The following CPSF3 variants were observed in gnomAD, a reference collection of about 807,000 sequenced individuals.
The protein encoded by CPSF3 is cleavage and polyadenylation specific factor 3.
Under a neutral mutation model 84.1 loss-of-function variants are expected in CPSF3, and 57 were observed. That is an observed-to-expected ratio of 0.68 (90% CI 0.55 to 0.85). The LOEUF is 0.85. Ranked by LOEUF, CPSF3 falls within the 40% of genes least tolerant of loss-of-function variation. The pLI, the probability that CPSF3 is intolerant of heterozygous loss-of-function variation, is 0.00. For synonymous variants in CPSF3, 275 were observed against 278.1 expected, an observed-to-expected ratio of 0.99 and a Z score of 0.11; for missense variants, 522 against 838.8, an observed-to-expected ratio of 0.62 and a Z score of 4.66.
chr2:9,458,278 C>T lies in CPSF3; in HGVS notation c.1698+1251C>T, dbSNP rs373141044. On this transcript the variant is annotated intron_variant, in intron 14 of 17. Coordinates refer to ENST00000238112, the MANE Select transcript of CPSF3 (RefSeq NM_016207.4). ...AATTAGCCAGACGTGGTGGCAGGCACCTAAAATCCCAACTACTTGGAAGGC... is the reference window on the plus strand; with the variant it reads ...AATTAGCCAGACGTGGTGGCAGGCATCTAAAATCCCAACTACTTGGAAGGC... Among the ~76,000 whole-genome samples, 85 of 152,100 alleles carry T rather than the reference C, an allele frequency of 5.6e-4. No homozygotes were observed. In the East Asian group the frequency reaches 0.013, roughly 24 times the overall value.
At chr2:9,427,278 G>C (rs1413733337) in intron 1 of CPSF3, among the ~76,000 whole-genome samples, 2 of 152,196 alleles carry the variant, frequency 1.3e-5, no homozygotes, top group African/African-American at 4.8e-5. Flanking sequence ...ATGTGGGCAG[G>C]TTGGTACCCT....
intron 12 of CPSF3, among the ~76,000 whole-genome samples, chr2:9,454,493 ACTGT>A (rs1215337696): frequency 6.7e-6 from 1 of 149,980 alleles, no homozygotes; most frequent in Non-Finnish European, 1.5e-5. Flanking sequence ...ATCATAGGTC[ACTGT>A]CTGACTTGTG....
chr2:9,465,701 C>T (rs750060967), intron 15 of CPSF3, among the ~76,000 whole-genome samples: 1 of 152,088 alleles, frequency 6.6e-6, no homozygotes, highest in African/African-American at 2.4e-5. Flanking sequence ...CTCTTAAGGC[C>T]CCCCATCCTT....
Position 9,423,682 on chromosome 2 carries a change from C to G in CPSF3, c.-92C>G. The G allele has an allele frequency of 6.6e-7, 1 of 1,510,892 alleles. No homozygotes were observed. Among genetic ancestry groups the G allele is most frequent in the African/African-American group, 1.4e-5 (1 of 72,254 alleles). The allele number at this position is 1,510,892 out of a possible 1,614,324, so 93.6% of individuals were successfully genotyped here. A position where few individuals can be genotyped will look rare whatever the true frequency, so the allele number is the denominator to read the frequency against. On this transcript the variant is annotated 5_prime_UTR_variant, in exon 1 of 18. Coordinates refer to ENST00000238112, the MANE Select transcript of CPSF3 (RefSeq NM_016207.4). Reference sequence around the variant, plus strand: ...AGTTGTGCTCTTGGTGAATGGGGTTCTTCCTTTTTTATTTACCGGTGGCTG... The same window carrying G: ...AGTTGTGCTCTTGGTGAATGGGGTTGTTCCTTTTTTATTTACCGGTGGCTG...
chr2:9,438,050 G>A (rs975903540), intron 7 of CPSF3, among the ~76,000 whole-genome samples: 1 of 152,264 alleles, frequency 6.6e-6, no homozygotes, highest in Non-Finnish European at 1.5e-5. Context: ...TGTCACCTCT[G>A]TGCGAAGCAC....
At chr2:9,454,306 G>A (rs1681436620) in intron 12 of CPSF3, among the ~76,000 whole-genome samples, 1 of 152,056 alleles carries the variant, frequency 6.6e-6, no homozygotes, top group South Asian at 2.1e-4. Context: ...TACTTGGGAG[G>A]CTGTGGCAAG....
intron 11 of CPSF3, among the ~76,000 whole-genome samples, chr2:9,451,593 A>G (rs1681329943): frequency 6.6e-6 from 1 of 152,116 alleles, no homozygotes; most frequent in Non-Finnish European, 1.5e-5. Flanking sequence ...GTGAAACTCC[A>G]TCTCTACAAA....
chr2:9,456,651 A>C (rs1046046760), intron 13 of CPSF3, among the ~76,000 whole-genome samples: 1 of 152,248 alleles, frequency 6.6e-6, no homozygotes, highest in African/African-American at 2.4e-5. Context: ...GTGGAAGGCT[A>C]AATCTCTTGT....
At position 9,443,442 on chromosome 2, in the gene CPSF3, GA is replaced by G. The variant is rs889775028; in HGVS notation, c.1096-66del. 4.9e-5 allele frequency: 73 copies of G among 1,474,762 alleles called. 2 individuals carry two copies. The South Asian group carries it at 7.8e-4, about 16-fold the overall frequency. The allele number at this position is 1,474,762 out of a possible 1,614,324, so 91.4% of individuals were successfully genotyped here. A position where few individuals can be genotyped will look rare whatever the true frequency, so the allele number is the denominator to read the frequency against. The stretch of plus-strand genomic sequence containing the variant: ...ATTTAACATGAATTTATGACTGCAT[GA>G]AAAAAATGAAAATGTACCTTTACGA... On this transcript the variant is annotated intron_variant, in intron 9 of 17. Coordinates refer to ENST00000238112, the MANE Select transcript of CPSF3 (RefSeq NM_016207.4).
At chr2:9,442,984 G>T (rs1268815084) in intron 9 of CPSF3, among the ~76,000 whole-genome samples, 1 of 152,106 alleles carries the variant, frequency 6.6e-6, no homozygotes, top group Non-Finnish European at 1.5e-5. Context: ...GCAACATGGA[G>T]AAATCCCATC....
At chr2:9,460,134 G>A (rs1681685742) in intron 15 of CPSF3, among the ~76,000 whole-genome samples, 1 of 152,094 alleles carries the variant, frequency 6.6e-6, no homozygotes, top group Non-Finnish European at 1.5e-5. Context: ...AAACCTGGCT[G>A]CAATTAAGAC....
At chr2:9,430,971 G>T in intron 4 of CPSF3, 91 bp downstream of exon 4, 1 of 938,584 alleles carries the variant, frequency 1.1e-6, no homozygotes, top group African/African-American at 1.7e-5. Flanking sequence ...AAAATGAGGT[G>T]CTCCCTTTTC....
chr2:9,448,300 C>T lies in CPSF3; in HGVS notation c.1345C>T (p.Arg449Trp), dbSNP rs757160812. The T allele has an allele frequency of 3.3e-5, 54 of 1,613,200 alleles. No homozygotes were observed. The highest frequency in any genetic ancestry group is 4.4e-5 in the Non-Finnish European group (52 of 1,179,592). ...DEVHIEVHNP[R>W]NTEAVTLNFR... ...AGTTCACATAGAGGTTCATAATCCT[C>T]GGAATACAGAAGCAGTGACCTTAAA... The change falls in exon 11 of 18, where the codon CGG becomes TGG. Residue 449 changes from arginine (R) to tryptophan (W), a missense_variant. Around this residue, in one of 2 missense-constraint regions of CPSF3, gnomAD observed 329 missense variants for 607.2 expected, o/e 0.54. Transcript: ENST00000238112.
intron 1 of CPSF3, among the ~76,000 whole-genome samples, chr2:9,427,407 G>T (rs540767893): frequency 2.8e-4 from 43 of 152,256 alleles, no homozygotes; most frequent in African/African-American, 9.9e-4. Flanking sequence ...GAGGATAGAA[G>T]GTTGGAAAAT....
chr2:9,464,139 A>C (rs1012570637), intron 15 of CPSF3, among the ~76,000 whole-genome samples: 1 of 152,090 alleles, frequency 6.6e-6, no homozygotes, highest in Non-Finnish European at 1.5e-5. Context: ...CAAAGGGGAA[A>C]TCTTATATAT....
intron 11 of CPSF3, among the ~76,000 whole-genome samples, chr2:9,451,185 A>T (rs1453429854): frequency 6.6e-6 from 1 of 152,198 alleles, no homozygotes; most frequent in Non-Finnish European, 1.5e-5. Flanking sequence ...TTAATGATTT[A>T]AAATCATTAC....
chr2:9,446,763 A>G (rs1462355734), intron 10 of CPSF3, among the ~76,000 whole-genome samples: 1 of 151,546 alleles, frequency 6.6e-6, no homozygotes, highest in Admixed American at 6.6e-5. Context: ...TCAAAAAAAA[A>G]AGAACAATCT....
intron 15 of CPSF3, among the ~76,000 whole-genome samples, chr2:9,462,150 A>G (rs927102835): frequency 1.3e-5 from 2 of 152,168 alleles, no homozygotes; most frequent in African/African-American, 2.4e-5. Context: ...GGAGAGCAGA[A>G]TCACGCCCAG....
intron 14 of CPSF3, among the ~76,000 whole-genome samples, chr2:9,459,256 A>T (rs1681639895): frequency 6.6e-6 from 1 of 152,258 alleles, no homozygotes; most frequent in Non-Finnish European, 1.5e-5. Context: ...CTTTTATAAA[A>T]TGAAATTAAT....
Sources: allele counts gnomAD v4.1 joint callset (sites outside exome capture counted in the v4.1 genomes callset), GRCh38; gene constraint gnomAD v4.1.1; regional missense constraint gnomAD v4.1.1; transcripts MANE v1.5; gene names NCBI Gene and HGNC (gene_info 2026-07-23, HGNC 2026-07-21).